The following VAV3 variants were observed in gnomAD, a reference collection of about 807,000 sequenced individuals.
The protein encoded by VAV3 is guanine nucleotide exchange factor VAV3.
Under a neutral mutation model 131.2 loss-of-function variants are expected in VAV3, and 94 were observed. The ratio of observed to expected loss-of-function variants is 0.72; its 90% confidence interval spans 0.61 to 0.85. VAV3 has a LOEUF of 0.85. VAV3 is among the 40% of genes least tolerant of loss of function. The pLI, the probability that VAV3 is intolerant of heterozygous loss-of-function variation, is 0.00. For missense variants in VAV3, 939 were observed against 1,002.7 expected, an observed-to-expected ratio of 0.94 and a Z score of 0.86; for synonymous variants, 349 against 342.0, an observed-to-expected ratio of 1.02 and a Z score of -0.22.
At chr1:107,670,610 T>G (rs1657720752) in intron 19 of VAV3, among the ~76,000 whole-genome samples, 1 of 152,162 alleles carries the variant, frequency 6.6e-6, no homozygotes, top group Admixed American at 6.6e-5. Flanking sequence ...TTGGCATTAA[T>G]ATTATAAACT....
chr1:107,920,400 A>G (rs1296199364), intron 1 of VAV3, among the ~76,000 whole-genome samples: 1 of 152,222 alleles, frequency 6.6e-6, no homozygotes, highest in Non-Finnish European at 1.5e-5. Flanking sequence ...TCTCCCCTAA[A>G]TGATGAGGCT....
intron 1 of VAV3, among the ~76,000 whole-genome samples, chr1:107,962,965 T>C (rs2101419247): frequency 6.6e-6 from 1 of 152,320 alleles, no homozygotes; most frequent in Middle Eastern, 3.4e-3. Context: ...ATGTGCTCAA[T>C]TTTCATTAAT....
rs906003413 is a variant in VAV3, at chr1:107,571,614, T to C, written c.*1717A>G. The stretch of plus-strand genomic sequence containing the variant: ...CGAGACAGAGTCGCAGATAAGACTT[T>C]ACAGGAAAGAATCCATTCCAAGAGT... On this transcript the variant is annotated 3_prime_UTR_variant, in exon 27 of 27. Coordinates refer to ENST00000370056, the MANE Select transcript of VAV3 (RefSeq NM_006113.5). The C allele has an allele frequency of 6.6e-5, 10 of 152,580 alleles. No individual in the cohort carries two copies. The highest frequency in any genetic ancestry group is 2.2e-4 in the African/African-American group (9 of 41,440). 9.5% of individuals were successfully genotyped at this position (152,580 alleles called of 1,614,324 possible).
chr1:107,814,054 A>T (rs1323460704), intron 2 of VAV3, among the ~76,000 whole-genome samples: 2 of 151,450 alleles, frequency 1.3e-5, no homozygotes, highest in African/African-American at 4.9e-5. Context: ...ATCTGTTGAC[A>T]GGTAAACATT....
chr1:107,912,223 A>G (rs1672402366), intron 1 of VAV3, among the ~76,000 whole-genome samples: 2 of 152,228 alleles, frequency 1.3e-5, no homozygotes, highest in African/African-American at 4.8e-5. Context: ...TCAAAGGCAG[A>G]CTAATGTTTT....
intron 1 of VAV3, among the ~76,000 whole-genome samples, chr1:107,898,637 A>G (rs865996976): frequency 6.6e-6 from 1 of 152,170 alleles, no homozygotes; most frequent in African/African-American, 2.4e-5. Context: ...TGTTACTGTA[A>G]TATGTTTTAT....
At chr1:107,690,770 TC>T (rs1659376018) in intron 17 of VAV3, among the ~76,000 whole-genome samples, 1 of 152,008 alleles carries the variant, frequency 6.6e-6, no homozygotes, top group Non-Finnish European at 1.5e-5. Context: ...AGGGCATGAG[TC>T]CTTTAGTAGG....
intron 1 of VAV3, among the ~76,000 whole-genome samples, chr1:107,943,351 A>T (rs139682335): frequency 1.8e-4 from 27 of 152,170 alleles, no homozygotes; most frequent in African/African-American, 6.0e-4. Context: ...ACAAAATTAC[A>T]TAAGATTAGT....
At chr1:107,924,851 C>T (rs1332775154) in intron 1 of VAV3, among the ~76,000 whole-genome samples, 1 of 152,132 alleles carries the variant, frequency 6.6e-6, no homozygotes, top group Non-Finnish European at 1.5e-5. Context: ...TAGGGAAACT[C>T]TGGCAAATGC....
intron 1 of VAV3, among the ~76,000 whole-genome samples, chr1:107,928,770 G>A (rs1410554290): frequency 6.6e-6 from 1 of 152,136 alleles, no homozygotes; most frequent in Non-Finnish European, 1.5e-5. Flanking sequence ...AAAACAGCTC[G>A]AAAGGGAAAC....
chr1:107,919,428 TA>T (rs1427947764), intron 1 of VAV3, among the ~76,000 whole-genome samples: 1 of 152,220 alleles, frequency 6.6e-6, no homozygotes, highest in Non-Finnish European at 1.5e-5. Flanking sequence ...AGCCTATTCT[TA>T]ATATAAACTG....
chr1:107,676,398 T>C (rs751203646), intron 19 of VAV3, among the ~76,000 whole-genome samples: 1 of 152,190 alleles, frequency 6.6e-6, no homozygotes, highest in Non-Finnish European at 1.5e-5. Context: ...GGGGACAATG[T>C]ACATGAAGAG....
rs67156403 is a variant in VAV3 at position 107,918,686 on chromosome 1, C to CATATATAT, written c.205-43677_205-43670dup. On this transcript the variant is annotated intron_variant, in intron 1 of 26. Transcript: ENST00000370056. ...GGCATATATATATATATTTTTAAGG[C>CATATATAT]ATATATATATATATATATATTTTTT... Among the ~76,000 whole-genome samples the CATATATAT allele has an allele frequency of 3.1e-3, 422 of 134,316 alleles. 1 individual carries two copies. The highest frequency in any genetic ancestry group is 5.3e-3 in the Non-Finnish European group (336 of 63,972). 88.1% of individuals were successfully genotyped at this position (134,316 alleles called of 152,430 possible). A position where few individuals can be genotyped will look rare whatever the true frequency, so the allele number is the denominator to read the frequency against.
intron 15 of VAV3, among the ~76,000 whole-genome samples, chr1:107,745,551 C>A (rs895999495): frequency 1.3e-5 from 2 of 152,072 alleles, no homozygotes; most frequent in Non-Finnish European, 2.9e-5. Flanking sequence ...AACATGACTG[C>A]GAGAGACAGA....
intron 2 of VAV3, among the ~76,000 whole-genome samples, chr1:107,840,120 T>C (rs1262594685): frequency 6.6e-6 from 1 of 152,168 alleles, no homozygotes; most frequent in Admixed American, 6.5e-5. Flanking sequence ...TTCCAGAAAA[T>C]AGAAAGAATA....
chr1:107,583,291 C>G (rs2878514), intron 25 of VAV3, among the ~76,000 whole-genome samples: 55,209 of 152,026 alleles, frequency 0.36, 10,326 homozygotes, highest in Middle Eastern at 0.43. Flanking sequence ...GACAAACCCA[C>G]AGCCAAGATC....
At chr1:107,630,582 T>TG (rs1654391058) in intron 20 of VAV3, among the ~76,000 whole-genome samples, 1 of 152,138 alleles carries the variant, frequency 6.6e-6, no homozygotes, top group African/African-American at 2.4e-5. Context: ...ACACATAACT[T>TG]GCTTCTCCAG....
At chr1:107,772,684 CT>C in intron 5 of VAV3, 50 bp downstream of exon 5, 1 of 1,472,226 alleles carries the variant, frequency 6.8e-7, no homozygotes, top group Non-Finnish European at 9.4e-7. Flanking sequence ...GTTAATTAGC[CT>C]TTCCTAATAA....
At chr1:107,709,721 G>A (rs1236218039) in intron 15 of VAV3, among the ~76,000 whole-genome samples, 1 of 152,130 alleles carries the variant, frequency 6.6e-6, no homozygotes, top group Admixed American at 6.6e-5. Flanking sequence ...GGATCTGATG[G>A]TTTTATAAGG....
Sources: allele counts gnomAD v4.1 joint callset (sites outside exome capture counted in the v4.1 genomes callset), GRCh38; gene constraint gnomAD v4.1.1; transcripts MANE v1.5; gene names NCBI Gene and HGNC (gene_info 2026-07-23, HGNC 2026-07-21).